The following NEK1 variants were observed in gnomAD, a reference collection of about 807,000 sequenced individuals.
NEK1 encodes the protein NIMA related kinase 1.
A neutral mutation model predicts 182.1 loss-of-function variants in NEK1; 137 were observed. That is an observed-to-expected ratio of 0.75 (90% CI 0.65 to 0.87). The LOEUF (loss-of-function observed/expected upper bound fraction) is 0.87, where lower values mean the gene tolerates loss of function less well. Among genes scored for constraint, NEK1 ranks in the 40% least tolerant of loss-of-function variants. The probability of loss-of-function intolerance (pLI) is 0.00; values close to 1 mark genes in which losing one functional copy is unlikely to be tolerated. For missense variants in NEK1, 1,391 were observed against 1,494.4 expected, an observed-to-expected ratio of 0.93 and a Z score of 1.14; for synonymous variants, 513 against 492.2, an observed-to-expected ratio of 1.04 and a Z score of -0.56.
At chr4:169,439,924 G>A (rs559624210) in intron 27 of NEK1, among the ~76,000 whole-genome samples, 1 of 142,932 alleles carries the variant, frequency 7.0e-6, no homozygotes, top group Non-Finnish European at 1.5e-5. Context: ...TCAGCTCACT[G>A]CAACCTCCAC....
chr4:169,484,484 T>C (rs543396056), intron 23 of NEK1, among the ~76,000 whole-genome samples: 2 of 152,090 alleles, frequency 1.3e-5, no homozygotes, highest in East Asian at 3.9e-4. Flanking sequence ...ATATCCAAAA[T>C]GAATTAGACA....
intron 2 of NEK1, among the ~76,000 whole-genome samples, chr4:169,603,555 C>T (rs1387669537): frequency 6.6e-6 from 1 of 152,098 alleles, no homozygotes; most frequent in Non-Finnish European, 1.5e-5. Flanking sequence ...TAAGAATGTA[C>T]TGAAAACAGT....
chr4:169,402,582 T>A (rs1264936461), intron 32 of NEK1, among the ~76,000 whole-genome samples: 1 of 152,224 alleles, frequency 6.6e-6, no homozygotes, highest in Admixed American at 6.5e-5. Flanking sequence ...CATGGGATTA[T>A]AGATGCTGGA....
chr4:169,541,231 A>G (rs147382360), intron 18 of NEK1, among the ~76,000 whole-genome samples: 22 of 152,284 alleles, frequency 1.4e-4, no homozygotes, highest in African/African-American at 4.1e-4. Flanking sequence ...TAATGGAACG[A>G]AACTGTTGTT....
chr4:169,479,920 A>G (rs1747676661), intron 23 of NEK1, among the ~76,000 whole-genome samples: 2 of 152,176 alleles, frequency 1.3e-5, no homozygotes, highest in South Asian at 4.1e-4. Context: ...CAAAGTTCAA[A>G]TATCAATTAC....
At chr4:169,594,357 C>A (rs1365001039) in intron 5 of NEK1, among the ~76,000 whole-genome samples, 1 of 152,100 alleles carries the variant, frequency 6.6e-6, no homozygotes, top group Non-Finnish European at 1.5e-5. Context: ...AAGGCATGAG[C>A]TTTTATTGCC....
intron 18 of NEK1, among the ~76,000 whole-genome samples, chr4:169,545,053 C>T (rs370689480): frequency 2.5e-4 from 35 of 137,892 alleles, no homozygotes; most frequent in Non-Finnish European, 3.6e-4. Flanking sequence ...TTCTCTGATT[C>T]TTTTTTTTTT....
intron 19 of NEK1, among the ~76,000 whole-genome samples, chr4:169,530,993 G>A (rs1444192783): frequency 6.6e-6 from 1 of 150,488 alleles, no homozygotes; most frequent in Non-Finnish European, 1.5e-5. Flanking sequence ...CAAGTCATCT[G>A]GTAGAATTAT....
chr4:169,577,319 A>T (rs1313876749), intron 11 of NEK1, among the ~76,000 whole-genome samples: 2 of 100,928 alleles, frequency 2.0e-5, no homozygotes, highest in Non-Finnish European at 5.2e-5. Context: ...TTTTAATATT[A>T]AAAAAAAAAA....
Position 169,500,128 on chromosome 4 carries a change from G to C in NEK1, c.2007+6909C>G, listed in dbSNP as rs562596095. On this transcript the variant is annotated intron_variant, in intron 23 of 35. Transcript: ENST00000507142. ...GCACCCCTCCCCCAGCCTCGCTGCCGCCTTGCAGTTTGATCTCAGACTGCT... is the reference window on the plus strand; with the variant it reads ...GCACCCCTCCCCCAGCCTCGCTGCCCCCTTGCAGTTTGATCTCAGACTGCT... Among the ~76,000 whole-genome samples the C allele has an allele frequency of 2.6e-5, 4 of 152,150 alleles. 1 individual carries two copies. In the South Asian group the frequency reaches 8.3e-4, roughly 31 times the overall value.
intron 5 of NEK1, among the ~76,000 whole-genome samples, chr4:169,598,448 C>T (rs1017311071): frequency 1.3e-5 from 2 of 149,452 alleles, no homozygotes; most frequent in African/African-American, 4.9e-5. Context: ...TTGAACTGAG[C>T]TTAAAAAAAA....
At chr4:169,540,873 T>C (rs1274914043) in intron 18 of NEK1, among the ~76,000 whole-genome samples, 3 of 147,316 alleles carry the variant, frequency 2.0e-5, no homozygotes, top group Non-Finnish European at 3.0e-5. Flanking sequence ...AAACTTTCCT[T>C]TTTTTTTTTA....
chr4:169,556,164 A>G, intron 16 of NEK1, 69 bp from the exon 17 acceptor site: 1 of 1,379,640 alleles, frequency 7.2e-7, no homozygotes, highest in Non-Finnish European at 9.8e-7. Context: ...CTAGTCTCAA[A>G]AGAAAAAGTA....
At chr4:169,445,152 G>A (rs985082239) in intron 27 of NEK1, among the ~76,000 whole-genome samples, 1 of 151,658 alleles carries the variant, frequency 6.6e-6, no homozygotes, top group Non-Finnish European at 1.5e-5. Flanking sequence ...AGGGCCAGAA[G>A]CTCATGGCTG....
At chr4:169,525,904 T>C (rs1756826133) in intron 19 of NEK1, among the ~76,000 whole-genome samples, 1 of 152,230 alleles carries the variant, frequency 6.6e-6, no homozygotes, top group South Asian at 2.1e-4. Context: ...TGGGCATTAC[T>C]ACGTGATCTT....
intron 18 of NEK1, among the ~76,000 whole-genome samples, chr4:169,538,753 C>T (rs1449178123): frequency 1.3e-5 from 2 of 151,620 alleles, no homozygotes; most frequent in Non-Finnish European, 2.9e-5. Context: ...GCTAGTAAGG[C>T]ACAGAAACTT....
intron 2 of NEK1, among the ~76,000 whole-genome samples, chr4:169,609,339 A>T (rs998097463): frequency 6.6e-6 from 1 of 152,198 alleles, no homozygotes; most frequent in Non-Finnish European, 1.5e-5. Context: ...GTAGTGATTC[A>T]ATTTCTAGCA....
intron 19 of NEK1, among the ~76,000 whole-genome samples, chr4:169,532,722 T>C (rs1245318605): frequency 6.6e-6 from 1 of 151,900 alleles, no homozygotes; most frequent in Non-Finnish European, 1.5e-5. Context: ...GGTGGATTGC[T>C]TGAGTCCAGG....
intron 31 of NEK1, among the ~76,000 whole-genome samples, chr4:169,424,014 G>C (rs1021572178): frequency 3.9e-5 from 6 of 152,062 alleles, no homozygotes; most frequent in Non-Finnish European, 8.8e-5. Flanking sequence ...GTTATATAAA[G>C]AGTAATATAA....
Sources: gnomAD v4.1 joint callset for allele counts (sites outside exome capture counted in the v4.1 genomes callset) on GRCh38, gnomAD v4.1.1 for gene constraint, MANE v1.5 for transcripts, NCBI Gene and HGNC (gene_info 2026-07-23, HGNC 2026-07-21) for gene names.